Variants in SHANK1 observed in about 807,000 individuals in gnomAD.
The protein encoded by SHANK1 is SH3 and multiple ankyrin repeat domains protein 1.
In SHANK1, 35 loss-of-function variants were observed where a neutral mutation model predicts 165.6. The observed-to-expected ratio is 0.21, with a 90% CI of 0.16 to 0.28. The LOEUF (loss-of-function observed/expected upper bound fraction) is 0.28. Among genes scored for constraint, SHANK1 ranks in the 10% least tolerant of loss-of-function variants. The pLI, the probability that SHANK1 is intolerant of heterozygous loss-of-function variation, is 1.00. For missense variants in SHANK1, 2,681 were observed against 3,036.4 expected, an observed-to-expected ratio of 0.88 and a Z score of 2.75; for synonymous variants, 1,428 against 1,384.8, an observed-to-expected ratio of 1.03 and a Z score of -0.69.
At chr19:50,677,881 G>A (rs750501404) in intron 21 of SHANK1, among the ~76,000 whole-genome samples, 2 of 152,176 alleles carry the variant, frequency 1.3e-5, no homozygotes, top group East Asian at 1.9e-4. Flanking sequence ...CCACTTTGCT[G>A]AATGTTTTTC....
intron 4 of SHANK1, 95 bp downstream of exon 4, chr19:50,715,564 G>A (rs1223062848): frequency 9.1e-7 from 1 of 1,103,402 alleles, no homozygotes; most frequent in Non-Finnish European, 1.4e-6. Context: ...GGAATGTGGA[G>A]GTCTATTGGG....
In SHANK1 at chr19:50,660,940, G is replaced by A. The variant is rs567772437; in HGVS notation, c.*1025C>T. Among the ~76,000 whole-genome samples, 6 of 151,786 alleles carry A rather than the reference G, an allele frequency of 4.0e-5. No homozygotes were observed. The highest frequency in any genetic ancestry group is 6.6e-5 in the Admixed American group (1 of 15,234). ...GTGCAAAAGGGGCAAGAGGGAAGGC[G>A]GGGGGTGGGGGGCTAGGAGTGTCAT... On this transcript the variant is annotated 3_prime_UTR_variant, in exon 24 of 24. Transcript: ENST00000293441.
intron 8 of SHANK1, among the ~76,000 whole-genome samples, chr19:50,710,304 C>T (rs1018887523): frequency 4.6e-5 from 7 of 152,204 alleles, no homozygotes; most frequent in Non-Finnish European, 8.8e-5. Context: ...CGTGGCCACC[C>T]GCCAAATCCC....
chr19:50,686,846 GC>G lies in SHANK1; in HGVS notation c.2390-35del. On this transcript the variant is annotated intron_variant, in intron 19 of 23. Coordinates refer to ENST00000293441, the MANE Select transcript of SHANK1 (RefSeq NM_016148.5). The surrounding 1 kb of genome is among the most constrained non-coding windows in gnomAD (Gnocchi z 5.7). ...AAAGAACACGGATGACGCCCAGGGA[GC>G]CCCCGGGGGCGGGGCGGAGCGGGCT... 1 of 1,611,170 alleles carries G rather than the reference GC, an allele frequency of 6.2e-7. No individual in the cohort carries two copies. Among genetic ancestry groups the G allele is most frequent in the Non-Finnish European group, 8.5e-7 (1 of 1,178,130 alleles).
chr19:50,689,431 GTGTGTGTATGCT>G, intron 15 of SHANK1, 152 bp from the exon 16 acceptor site: 3 of 723,150 alleles, frequency 4.1e-6, no homozygotes, highest in South Asian at 2.9e-5. Context: ...CACCCACTCT[GTGTGTGTATGCT>G]AGCCCTGATG....
rs1986769823 is a variant in SHANK1 at position 50,697,208 on chromosome 19, T to C, written c.1938-86A>G. 6.4e-7 allele frequency: 1 copy of C among 1,557,958 alleles called. No homozygotes were observed. Among genetic ancestry groups the C allele is most frequent in the Non-Finnish European group, 8.8e-7 (1 of 1,137,064 alleles). Reference sequence around the variant, plus strand: ...CACCCCAATCCCACCCAGCCCTGACTGCACCCTCCCCACACCGGTGCATGG... The same window carrying C: ...CACCCCAATCCCACCCAGCCCTGACCGCACCCTCCCCACACCGGTGCATGG... On this transcript the variant is annotated intron_variant, in intron 14 of 23. Transcript: ENST00000293441. This position sits in a 1 kb window ranked among gnomAD's most constrained non-coding sequence, Gnocchi z 4.7.
chr19:50,692,472 T>C lies in SHANK1; in HGVS notation c.1965-3193A>G, dbSNP rs181236334. Among the ~76,000 whole-genome samples, 283 of 145,390 alleles carry C rather than the reference T, an allele frequency of 1.9e-3. 8 individuals carry two copies. The highest frequency in any genetic ancestry group is 3.0e-3 in the Non-Finnish European group (198 of 66,052). ...AATTCACCAGATATATATATATATA[T>C]ACACACACACACCAGTGGTGATCTG... On this transcript the variant is annotated intron_variant, in intron 15 of 23. Transcript: ENST00000293441.
chr19:50,709,377 G>A (rs1410029922), intron 8 of SHANK1, among the ~76,000 whole-genome samples: 1 of 152,090 alleles, frequency 6.6e-6, no homozygotes, highest in East Asian at 1.9e-4. Context: ...TCCTGACCTA[G>A]TGATCCGCCC....
Position 50,668,025 on chromosome 19 carries a change from C to A in SHANK1, c.3935G>T (p.Gly1312Val). 3 of 1,475,574 alleles carry A rather than the reference C, an allele frequency of 2.0e-6. No individual in the cohort carries two copies. Among genetic ancestry groups the A allele is most frequent in the Non-Finnish European group, 2.7e-6 (3 of 1,118,970 alleles). The allele number at this position is 1,475,574 out of a possible 1,614,324, so 91.4% of individuals were successfully genotyped here. Residue 1312 changes from glycine to valine, a missense_variant, in exon 23 of 24, where the codon GGC becomes GTC. Coordinates refer to ENST00000293441, the MANE Select transcript of SHANK1 (RefSeq NM_016148.5). ...ESAGSGAGYG[G>V]YGAGSRAYGG... ...GTAGGCTCGGCTACCGGCCCCGTAG[C>A]CGCCGTAGCCCGCGCCGCTGCCCGC...
chr19:50,683,539 A>G lies in SHANK1; in HGVS notation c.2577+2698T>C, dbSNP rs150758756. Among the ~76,000 whole-genome samples, 3 of 152,260 alleles carry G rather than the reference A, an allele frequency of 2.0e-5. No individual in the cohort carries two copies. The East Asian group carries it at 5.8e-4, about 29-fold the overall frequency. ...ACGTATTTTCTCCATAAGGCACATC[A>G]CGGCCTTCTCGCACTTAGGAACGCT... On this transcript the variant is annotated intron_variant, in intron 21 of 23. Coordinates refer to ENST00000293441, the MANE Select transcript of SHANK1 (RefSeq NM_016148.5).
chr19:50,681,612 G>C (rs1433031892), intron 21 of SHANK1, among the ~76,000 whole-genome samples: 1 of 152,126 alleles, frequency 6.6e-6, no homozygotes, highest in Non-Finnish European at 1.5e-5. Flanking sequence ...CGCATTTGTT[G>C]AATTAATGAA....
At chr19:50,669,317 C>A in intron 22 of SHANK1, 32 bp from the exon 23 acceptor site, 1 of 1,487,882 alleles carries the variant, frequency 6.7e-7, no homozygotes, top group Middle Eastern at 1.8e-4. Context: ...AGGAGGGGGA[C>A]CCTGGCGGGG....
Position 50,713,755 on chromosome 19 carries a change from G to T in SHANK1, c.792+43C>A, listed in dbSNP as rs746751089. 6.2e-7 allele frequency: 1 copy of T among 1,608,104 alleles called. No individual in the cohort carries two copies. Among genetic ancestry groups the T allele is most frequent in the Non-Finnish European group, 8.5e-7 (1 of 1,177,276 alleles). ...TTGAGAAAGAACAAAGGGAAAAGGA[G>T]AGAGGGCCCCATGGCGGGGATGGGG... On this transcript the variant is annotated intron_variant, in intron 6 of 23. Coordinates refer to ENST00000293441, the MANE Select transcript of SHANK1 (RefSeq NM_016148.5). The surrounding 1 kb of genome is among the most constrained non-coding windows in gnomAD (Gnocchi z 6.2).
intron 21 of SHANK1, among the ~76,000 whole-genome samples, chr19:50,676,377 G>A (rs528370634): frequency 1.3e-5 from 2 of 152,290 alleles, no homozygotes; most frequent in Admixed American, 6.5e-5. Flanking sequence ...TGGAGGAGGT[G>A]AAGGAGGGGG....
intron 21 of SHANK1, among the ~76,000 whole-genome samples, chr19:50,682,713 C>G (rs968926546): frequency 2.0e-5 from 3 of 152,154 alleles, no homozygotes; most frequent in Non-Finnish European, 4.4e-5. Context: ...GGAGTACATT[C>G]CAGACTTCCA....
intron 4 of SHANK1, among the ~76,000 whole-genome samples, chr19:50,715,398 G>A (rs1227234573): frequency 1.3e-5 from 2 of 152,054 alleles, no homozygotes; most frequent in East Asian, 1.9e-4. Flanking sequence ...GAGGCCAGGT[G>A]GGAATGATGT....
intron 21 of SHANK1, among the ~76,000 whole-genome samples, chr19:50,679,820 G>A (rs1215201269): frequency 1.3e-5 from 2 of 151,200 alleles, no homozygotes; most frequent in African/African-American, 4.9e-5. Context: ...AGAGACAGAC[G>A]TAGAGAGACA....
chr19:50,710,595 C>A (rs1038300410), intron 8 of SHANK1, among the ~76,000 whole-genome samples: 1 of 152,190 alleles, frequency 6.6e-6, no homozygotes, highest in Non-Finnish European at 1.5e-5. Context: ...TGCCACGAGC[C>A]CCCCTGCCTG....
At chr19:50,701,656 G>A (rs1986919298) in intron 12 of SHANK1, among the ~76,000 whole-genome samples, 1 of 152,158 alleles carries the variant, frequency 6.6e-6, no homozygotes, top group Admixed American at 6.5e-5. Flanking sequence ...AAGTGGTGGG[G>A]TCTGGATTTG....
Sources: gnomAD v4.1 joint callset for allele counts (sites outside exome capture counted in the v4.1 genomes callset) on GRCh38, gnomAD v4.1.1 for gene constraint, Gnocchi (gnomAD v3.1) non-coding constraint, MANE v1.5 for transcripts, NCBI Gene and HGNC (gene_info 2026-07-23, HGNC 2026-07-21) for gene names.